PCDHGA2: variants seen among roughly 807,000 people sequenced by gnomAD.
PCDHGA2 encodes the protein protocadherin gamma subfamily A, 2, also known as protocadherin gamma-A2.
PCDHGA2 carries 40 observed loss-of-function variants against 59.2 expected under a neutral mutation model. The ratio of observed to expected loss-of-function variants is 0.68; its 90% CI spans 0.52 to 0.88. The LOEUF is 0.88. Among genes scored for constraint, PCDHGA2 ranks in the 40% least tolerant of loss-of-function variants. The pLI is 0.00. For missense variants in PCDHGA2, 1,226 were observed against 1,204.0 expected (o/e 1.02, Z -0.27); for synonymous variants, 560 against 526.0 (o/e 1.06, Z -0.89).
At chr5:141,425,918 CG>C (rs2096903264) in intron 1 of PCDHGA2, among the ~76,000 whole-genome samples, 1 of 152,200 alleles carries the variant, frequency 6.6e-6, no homozygotes, top group Admixed American at 6.5e-5. Context: ...ACAGTCACTA[CG>C]AAAACTCATA....
Position 141,489,992 on chromosome 5 carries a change from TC to T in PCDHGA2, c.2425-4812del. The T allele has an allele frequency of 6.2e-7, 1 of 1,614,216 alleles. No individual in the cohort carries two copies. The highest frequency in any genetic ancestry group is 8.5e-7 in the Non-Finnish European group (1 of 1,180,016). On this transcript the variant is annotated intron_variant, in intron 1 of 3. Coordinates refer to ENST00000394576, the MANE Select transcript of PCDHGA2 (RefSeq NM_018915.4). The surrounding 1 kb of genome is among the most constrained non-coding windows in gnomAD (Gnocchi z 4.5). The stretch of plus-strand genomic sequence containing the variant: ...CAATCCTCAGTTCTACGTGTGGGAA[TC>T]CCAGAGAATGCACCCATTGGTACTC...
In PCDHGA2 at chr5:141,360,025, T is replaced by C. The variant is rs1336332149; in HGVS notation, c.2424+18630T>C. On this transcript the variant is annotated intron_variant, in intron 1 of 3. Transcript: ENST00000394576. ...AAACCAACCACACAGAGAAGGCCAGTATAGATTCGGAAACAGAAAACAAAA... is the reference window on the plus strand; with the variant it reads ...AAACCAACCACACAGAGAAGGCCAGCATAGATTCGGAAACAGAAAACAAAA... 12 of 1,338,564 alleles carry C rather than the reference T, an allele frequency of 9.0e-6. No individual in the cohort carries two copies. In the Admixed American group the frequency reaches 3.4e-4, roughly 38 times the overall value. 82.9% of individuals were successfully genotyped at this position (1,338,564 alleles called of 1,614,324 possible). A position where few individuals can be genotyped will look rare whatever the true frequency, so the allele number is the denominator to read the frequency against.
intron 1 of PCDHGA2, chr5:141,370,412 A>G (rs1561546319): frequency 3.2e-6 from 5 of 1,567,090 alleles, no homozygotes; most frequent in Non-Finnish European, 4.3e-6. Context: ...ATAGCTCCGG[A>G]TGGAGGGGCC....
chr5:141,422,831 C>A (rs766457129), intron 1 of PCDHGA2: 11 of 1,614,242 alleles, frequency 6.8e-6, no homozygotes, highest in Non-Finnish European at 6.8e-6. Context: ...AGAGTGATAG[C>A]ACGTGACAGC....
intron 1 of PCDHGA2, chr5:141,376,543 T>C: frequency 1.2e-6 from 2 of 1,613,014 alleles, no homozygotes. Flanking sequence ...AAGAGTAATC[T>C]GATCTTCCCG....
chr5:141,495,323 G>C (rs1029646773), intron 2 of PCDHGA2, among the ~76,000 whole-genome samples: 2 of 152,214 alleles, frequency 1.3e-5, no homozygotes, highest in African/African-American at 4.8e-5. Context: ...AGCCGAGGCT[G>C]ACTGCAGCCT....
intron 1 of PCDHGA2, among the ~76,000 whole-genome samples, chr5:141,368,858 A>G (rs1283174672): frequency 6.6e-6 from 1 of 152,158 alleles, no homozygotes; most frequent in Non-Finnish European, 1.5e-5. Context: ...TTGCTTTGGA[A>G]TGTTTTGGAG....
chr5:141,365,732 G>C (rs780327572), intron 1 of PCDHGA2: 1 of 1,613,694 alleles, frequency 6.2e-7, no homozygotes, highest in Non-Finnish European at 8.5e-7. Flanking sequence ...CAATCCCAGA[G>C]GTGTCTCTAT....
intron 1 of PCDHGA2, chr5:141,395,463 C>G (rs1164636639): frequency 6.9e-6 from 4 of 582,400 alleles, no homozygotes; most frequent in African/African-American, 5.7e-5. Flanking sequence ...CCATTTTAAG[C>G]CTTCCAGTAT....
Position 141,490,809 on chromosome 5 carries a change from C to T in PCDHGA2, c.2425-3998C>T. On this transcript the variant is annotated intron_variant, in intron 1 of 3. Transcript: ENST00000394576. The surrounding 1 kb of genome is among the most constrained non-coding windows in gnomAD (Gnocchi z 5.4). Reference sequence around the variant, plus strand: ...GGATCTTTGCCCAGCGTACCTTTGACTATGAATTGCTGCAGATGCTGCAGA... The same window carrying T: ...GGATCTTTGCCCAGCGTACCTTTGATTATGAATTGCTGCAGATGCTGCAGA... 2 of 1,613,954 alleles carry T rather than the reference C, an allele frequency of 1.2e-6. No individual in the cohort carries two copies. Among genetic ancestry groups the T allele is most frequent in the South Asian group, 2.2e-5 (2 of 91,076 alleles).
At chr5:141,360,691 C>G (rs769552325) in intron 1 of PCDHGA2, 15 of 1,613,850 alleles carry the variant, frequency 9.3e-6, no homozygotes, top group African/African-American at 4.0e-5. Flanking sequence ...GAAACAGACT[C>G]CAGATGGTCG....
At chr5:141,509,344 T>A (rs2099876374) in intron 3 of PCDHGA2, among the ~76,000 whole-genome samples, 1 of 152,202 alleles carries the variant, frequency 6.6e-6, no homozygotes, top group Admixed American at 6.5e-5. Flanking sequence ...GGGCCTGGGC[T>A]GGCCTGGGCA....
chr5:141,389,223 G>T, intron 1 of PCDHGA2: 3 of 1,613,994 alleles, frequency 1.9e-6, no homozygotes, highest in East Asian at 2.2e-5. Flanking sequence ...AAATGACAAC[G>T]CTCCGGTTTT....
At chr5:141,398,695 A>G (rs753760185) in intron 1 of PCDHGA2, 3 of 1,613,784 alleles carry the variant, frequency 1.9e-6, no homozygotes, top group Non-Finnish European at 2.5e-6. Flanking sequence ...GGATGGTAGT[A>G]AATACCCGGA....
intron 1 of PCDHGA2, among the ~76,000 whole-genome samples, chr5:141,452,199 G>T (rs2098736057): frequency 1.3e-5 from 2 of 151,778 alleles, no homozygotes; most frequent in African/African-American, 4.8e-5. Flanking sequence ...AATTGTTTTA[G>T]ATGTTACCAA....
At chr5:141,356,141 T>C (rs1292907004) in intron 1 of PCDHGA2, 6 of 1,613,710 alleles carry the variant, frequency 3.7e-6, no homozygotes, top group Admixed American at 3.3e-5. Flanking sequence ...GACTCTGGAT[T>C]CTATGACATA....
At chr5:141,483,907 C>A (rs545585133) in intron 1 of PCDHGA2, among the ~76,000 whole-genome samples, 1 of 151,240 alleles carries the variant, frequency 6.6e-6, no homozygotes, top group East Asian at 1.9e-4. Context: ...TGGTGTGTTT[C>A]CCACTCAGAT....
At chr5:141,390,204 G>A in intron 1 of PCDHGA2, 1 of 1,614,036 alleles carries the variant, frequency 6.2e-7, no homozygotes, top group Non-Finnish European at 8.5e-7. Flanking sequence ...GTTGAGTTCA[G>A]GACAAGACAT....
chr5:141,476,801 C>A lies in PCDHGA2; in HGVS notation c.2425-18006C>A, dbSNP rs752954707. The A allele has an allele frequency of 5.8e-5, 94 of 1,613,468 alleles. No homozygotes were observed. The highest frequency in any genetic ancestry group is 7.9e-5 in the Non-Finnish European group (93 of 1,180,028). The stretch of plus-strand genomic sequence containing the variant: ...GACCCCAGCTCTCTCCGCCAGCCTG[C>A]CTATTCACATCAAGGTGCTGGACGC... On this transcript the variant is annotated intron_variant, in intron 1 of 3. Transcript: ENST00000394576. This position sits in a 1 kb window ranked among gnomAD's most constrained non-coding sequence, Gnocchi z 7.6.
Sources: allele counts gnomAD v4.1 joint callset (sites outside exome capture counted in the v4.1 genomes callset), GRCh38; gene constraint gnomAD v4.1.1; non-coding constraint Gnocchi (gnomAD v3.1); transcripts MANE v1.5; gene names NCBI Gene and HGNC (gene_info 2026-07-23, HGNC 2026-07-21).